The following GALNT18 variants were observed in gnomAD, a reference collection of about 807,000 sequenced individuals.
GALNT18 encodes the protein GalNAc-transferase 18.
In GALNT18, 44 loss-of-function variants were observed where a neutral mutation model predicts 69.5. The observed-to-expected ratio is 0.63, with a 90% confidence interval of 0.50 to 0.81. The LOEUF (loss-of-function observed/expected upper bound fraction) is 0.81. GALNT18 is among the 40% of genes least tolerant of loss of function. The pLI is 0.00. For synonymous variants in GALNT18, 364 were observed against 318.2 expected (o/e 1.14, Z -1.53); for missense variants, 715 against 810.0 (o/e 0.88, Z 1.42).
Position 11,582,430 on chromosome 11 carries a change from C to T in GALNT18, c.235+38929G>A, listed in dbSNP as rs1261637556. 6.6e-6 allele frequency among the ~76,000 whole-genome samples: 1 copy of T among 152,232 alleles called. No homozygotes were observed. Among genetic ancestry groups the T allele is most frequent in the Non-Finnish European group, 1.5e-5 (1 of 68,028 alleles). On this transcript the variant is annotated intron_variant, in intron 1 of 10. Transcript: ENST00000227756. The surrounding 1 kb of genome is among the most constrained non-coding windows in gnomAD (Gnocchi z 5.0). The stretch of plus-strand genomic sequence containing the variant: ...TCCAGTGGGGGATTCTGTGTCCCAT[C>T]CCACAGTGACAATGAGTGACTGTCT...
chr11:11,297,637 G>A (rs1849425341), intron 9 of GALNT18, among the ~76,000 whole-genome samples: 1 of 152,150 alleles, frequency 6.6e-6, no homozygotes, highest in Non-Finnish European at 1.5e-5. Flanking sequence ...AGCTGGAGGA[G>A]CCTAGAATAA....
Position 11,603,134 on chromosome 11 carries a change from G to T in GALNT18, c.235+18225C>A, listed in dbSNP as rs1396549798. On this transcript the variant is annotated intron_variant, in intron 1 of 10. Transcript: ENST00000227756. This position sits in a 1 kb window ranked among gnomAD's most constrained non-coding sequence, Gnocchi z 4.5. The stretch of plus-strand genomic sequence containing the variant: ...GTCTTCCCATCAACTACTTCAATTT[G>T]TGTTTGGTGCTTCTCCCAAGACAAT... Among the ~76,000 whole-genome samples the T allele has an allele frequency of 6.6e-6, 1 of 152,204 alleles. No homozygotes were observed. The highest frequency in any genetic ancestry group is 2.4e-5 in the African/African-American group (1 of 41,454).
At chr11:11,273,982 C>T (rs1436940294) in intron 10 of GALNT18, among the ~76,000 whole-genome samples, 1 of 152,120 alleles carries the variant, frequency 6.6e-6, no homozygotes, top group East Asian at 1.9e-4. Flanking sequence ...AACTGAGGGA[C>T]CTGGTTCATC....
At chr11:11,293,005 G>C in intron 10 of GALNT18, 24 bp downstream of exon 10, 2 of 1,349,696 alleles carry the variant, frequency 1.5e-6, no homozygotes, top group Non-Finnish European at 1.9e-6. Context: ...GGCTGCCACT[G>C]TGCCCGGGCT....
intron 1 of GALNT18, among the ~76,000 whole-genome samples, chr11:11,487,410 A>T (rs1308301470): frequency 6.6e-6 from 1 of 152,214 alleles, no homozygotes; most frequent in Non-Finnish European, 1.5e-5. Flanking sequence ...AAAACTATGG[A>T]AATAAAAAAT....
rs139424971 is a variant in GALNT18 at position 11,580,927 on chromosome 11, G to A, written c.235+40432C>T. 6.1e-3 allele frequency among the ~76,000 whole-genome samples: 926 copies of A among 152,308 alleles called. 1 individual carries two copies. Among genetic ancestry groups the A allele is most frequent in the Non-Finnish European group, 8.4e-3 (569 of 68,024 alleles). ...ACTTTTGTAATCTCCACCGTCCTCC[G>A]GCACAAGGCACTTTAGTGAAAGGTT... On this transcript the variant is annotated intron_variant, in intron 1 of 10. Transcript: ENST00000227756.
chr11:11,307,529 GC>G (rs1034652573), intron 9 of GALNT18, among the ~76,000 whole-genome samples: 2 of 152,122 alleles, frequency 1.3e-5, no homozygotes, highest in Non-Finnish European at 1.5e-5. Context: ...AGGAAAACTG[GC>G]AGAGCTGGGA....
chr11:11,379,121 C>T lies in GALNT18; in HGVS notation c.739G>A (p.Val247Met). The T allele has an allele frequency of 6.2e-7, 1 of 1,610,364 alleles. No homozygotes were observed. Among genetic ancestry groups the T allele is most frequent in the Non-Finnish European group, 8.5e-7 (1 of 1,179,784 alleles). Residue 247 changes from valine (V) to methionine (M), a missense_variant, in exon 4 of 11, where the codon GTG (valine) becomes ATG (methionine). Coordinates refer to ENST00000227756, the MANE Select transcript of GALNT18 (RefSeq NM_198516.3). Reference protein sequence around the residue: ...SGWRAATAPVVALFDAHVEFN... With the variant: ...SGWRAATAPVMALFDAHVEFN... ...TCCACGTGGGCATCAAAGAGTGCCA[C>T]CACAGGGGCAGTGGCCGCCCTCCAG... is the stretch of plus-strand genomic sequence containing the variant.
intron 9 of GALNT18, among the ~76,000 whole-genome samples, chr11:11,326,566 C>G (rs1849923676): frequency 1.3e-5 from 2 of 152,172 alleles, no homozygotes; most frequent in Non-Finnish European, 2.9e-5. Context: ...TTCCTGGTAG[C>G]TGCCCTTCAT....
intron 1 of GALNT18, among the ~76,000 whole-genome samples, chr11:11,466,897 C>G (rs768829458): frequency 1.3e-5 from 2 of 152,128 alleles, no homozygotes; most frequent in Non-Finnish European, 2.9e-5. Flanking sequence ...ATAGGACACA[C>G]GCAGATCAAT....
intron 10 of GALNT18, among the ~76,000 whole-genome samples, chr11:11,273,711 GA>G (rs1848875057): frequency 6.6e-6 from 1 of 152,056 alleles, no homozygotes; most frequent in Non-Finnish European, 1.5e-5. Flanking sequence ...CAAAAGAAAG[GA>G]AACCAGCATA....
At chr11:11,360,977 A>G (rs532859890) in intron 6 of GALNT18, among the ~76,000 whole-genome samples, 1 of 152,342 alleles carries the variant, frequency 6.6e-6, no homozygotes, top group South Asian at 2.1e-4. Context: ...AAGTCCTCAA[A>G]GTCAAAATGG....
chr11:11,617,895 T>C lies in GALNT18; in HGVS notation c.235+3464A>G, dbSNP rs141518767. Among the ~76,000 whole-genome samples, 211 of 152,272 alleles carry C rather than the reference T, an allele frequency of 1.4e-3. 1 individual carries two copies. Among genetic ancestry groups the C allele is most frequent in the African/African-American group, 5.0e-3 (207 of 41,562 alleles). On this transcript the variant is annotated intron_variant, in intron 1 of 10. Transcript: ENST00000227756. This position sits in a 1 kb window ranked among gnomAD's most constrained non-coding sequence, Gnocchi z 4.7. ...GGAGAGAACCTGACCCTTACTAACATTTACTTTGTGTTTCTAAACCCCCAG... is the reference window on the plus strand; with the variant it reads ...GGAGAGAACCTGACCCTTACTAACACTTACTTTGTGTTTCTAAACCCCCAG...
rs1850147943 is a variant in GALNT18, at chr11:11,338,301, G to T, written c.1278+2518C>A. Among the ~76,000 whole-genome samples the T allele has an allele frequency of 6.6e-6, 1 of 151,976 alleles. No individual in the cohort carries two copies. The highest frequency in any genetic ancestry group is 2.4e-5 in the African/African-American group (1 of 41,406). On this transcript the variant is annotated intron_variant, in intron 7 of 10. Transcript: ENST00000227756. The surrounding 1 kb of genome is among the most constrained non-coding windows in gnomAD (Gnocchi z 5.3). ...AGATTTTAAGCAGGGCGATGGCATGGTTGTTGTGAGTGTTTTAAAGATAAC... is the reference window on the plus strand; with the variant it reads ...AGATTTTAAGCAGGGCGATGGCATGTTTGTTGTGAGTGTTTTAAAGATAAC...
At chr11:11,518,675 C>T (rs1421590489) in intron 1 of GALNT18, among the ~76,000 whole-genome samples, 1 of 152,216 alleles carries the variant, frequency 6.6e-6, no homozygotes, top group African/African-American at 2.4e-5. Flanking sequence ...TAGAAAAAGA[C>T]AGATTTGGGG....
At chr11:11,452,920 C>A (rs913628328) in intron 1 of GALNT18, among the ~76,000 whole-genome samples, 47 of 152,128 alleles carry the variant, frequency 3.1e-4, no homozygotes, top group Admixed American at 3.0e-3. Context: ...AGGGCCCATT[C>A]GAGGCAGAGA....
chr11:11,403,587 TCTC>T (rs1433077275), intron 3 of GALNT18, among the ~76,000 whole-genome samples: 2 of 152,162 alleles, frequency 1.3e-5, no homozygotes, highest in African/African-American at 4.8e-5. Context: ...CTCTGGAACT[TCTC>T]CTTCTGAAAG....
chr11:11,276,621 C>T (rs934789069), intron 10 of GALNT18, among the ~76,000 whole-genome samples: 10 of 151,426 alleles, frequency 6.6e-5, no homozygotes, highest in Non-Finnish European at 1.2e-4. Flanking sequence ...AGTTTTCACC[C>T]ATTCAGTATG....
chr11:11,297,938 T>C (rs371725465), intron 9 of GALNT18, among the ~76,000 whole-genome samples: 1 of 152,224 alleles, frequency 6.6e-6, no homozygotes, highest in Non-Finnish European at 1.5e-5. Flanking sequence ...ATCCGTATCC[T>C]GGATCTTACG....
Sources: allele counts gnomAD v4.1 joint callset (sites outside exome capture counted in the v4.1 genomes callset), GRCh38; gene constraint gnomAD v4.1.1; non-coding constraint Gnocchi (gnomAD v3.1); transcripts MANE v1.5; gene names NCBI Gene and HGNC (gene_info 2026-07-23, HGNC 2026-07-21).